The following SVIL variants were observed in gnomAD, a reference collection of about 807,000 sequenced individuals.
SVIL encodes the protein supervillin.
SVIL carries 101 observed loss-of-function variants against 240.4 expected under a neutral mutation model. The ratio of observed to expected loss-of-function variants is 0.42; its 90% confidence interval spans 0.36 to 0.50. SVIL has a LOEUF of 0.50. Among genes scored for constraint, SVIL ranks in the 20% least tolerant of loss-of-function variants. The probability of loss-of-function intolerance (pLI) is 0.01; values close to 1 mark genes in which losing one functional copy is unlikely to be tolerated. For missense variants in SVIL, 2,512 were observed against 2,818.7 expected, an observed-to-expected ratio of 0.89 and a Z score of 2.46; for synonymous variants, 999 against 1,100.0, an observed-to-expected ratio of 0.91 and a Z score of 1.82.
At chr10:29,636,630 A>T (rs543443140), upstream of SVIL, among the ~76,000 whole-genome samples, 2 of 152,056 alleles carry the variant, frequency 1.3e-5, no homozygotes, top group African/African-American at 4.8e-5. Flanking sequence ...TACTTTCCTA[A>T]TTTTTTTGCT....
intron 1 of SVIL, among the ~76,000 whole-genome samples, chr10:29,575,142 T>C (rs1398599864): frequency 6.6e-6 from 1 of 152,250 alleles, no homozygotes. Flanking sequence ...ATGAAATTAC[T>C]GTGAATGAAC....
chr10:29,680,938 A>G (rs1960593255), intron 2 of SVIL, among the ~76,000 whole-genome samples: 1 of 151,828 alleles, frequency 6.6e-6, no homozygotes, highest in Non-Finnish European at 1.5e-5. Flanking sequence ...AATAGCAAAG[A>G]AAGTGGGAGG....
Position 29,522,023 on chromosome 10 carries a change from A to G in SVIL, c.3389+387T>C, listed in dbSNP as rs141789687. On this transcript the variant is annotated intron_variant, in intron 16 of 37. Transcript: ENST00000355867. Reference sequence around the variant, plus strand: ...ACACAAAGTCACAAGTGGTTTGTGCATTCAGTATGAACCCTGTGTATCTAA... The same window carrying G: ...ACACAAAGTCACAAGTGGTTTGTGCGTTCAGTATGAACCCTGTGTATCTAA... 5.9e-5 allele frequency among the ~76,000 whole-genome samples: 9 copies of G among 152,360 alleles called. No homozygotes were observed. In the East Asian group the frequency reaches 1.7e-3, roughly 29 times the overall value.
intron 16 of SVIL, among the ~76,000 whole-genome samples, chr10:29,521,319 A>C (rs562801098): frequency 8.5e-5 from 13 of 152,104 alleles, no homozygotes; most frequent in Admixed American, 8.5e-4. Flanking sequence ...AAATGTATCT[A>C]GAAAAATAAG....
intron 1 of SVIL, among the ~76,000 whole-genome samples, chr10:29,599,386 A>ATT (rs34936543): frequency 8.6e-5 from 13 of 150,292 alleles, no homozygotes; most frequent in Admixed American, 1.3e-4. Flanking sequence ...TTTGCCCTCC[A>ATT]TTTTTTTTTG....
At chr10:29,665,229 A>C (rs1464994242) in intron 2 of SVIL, among the ~76,000 whole-genome samples, 1 of 86,922 alleles carries the variant, frequency 1.2e-5, no homozygotes, top group Non-Finnish European at 2.9e-5. Context: ...TCTTGTCTCA[A>C]AAAAAAAAAA....
At chr10:29,655,619 C>T (rs945503679) in intron 3 of SVIL, among the ~76,000 whole-genome samples, 5 of 152,190 alleles carry the variant, frequency 3.3e-5, no homozygotes, top group African/African-American at 1.2e-4. Flanking sequence ...AAATACTTTA[C>T]CAGGCATCTA....
chr10:29,549,109 C>T (rs1377447729), intron 6 of SVIL, among the ~76,000 whole-genome samples: 3 of 150,748 alleles, frequency 2.0e-5, no homozygotes, highest in Non-Finnish European at 4.4e-5. Flanking sequence ...ATTTTCACAA[C>T]CTACTCATCT....
At chr10:29,655,724 T>G (rs745778152) in intron 3 of SVIL, among the ~76,000 whole-genome samples, 1 of 152,204 alleles carries the variant, frequency 6.6e-6, no homozygotes, top group Non-Finnish European at 1.5e-5. Context: ...GTGGTGAGAA[T>G]GGATATCCTT....
chr10:29,468,899 CT>C (rs1198255969), intron 32 of SVIL: 2 of 152,110 alleles, frequency 1.3e-5, no homozygotes, highest in Non-Finnish European at 2.9e-5. Flanking sequence ...TTGACTATTT[CT>C]TGTCTTTCTC....
intron 6 of SVIL, among the ~76,000 whole-genome samples, chr10:29,546,569 T>A (rs979097506): frequency 3.2e-5 from 4 of 123,262 alleles, no homozygotes; most frequent in African/African-American, 1.2e-4. Flanking sequence ...ATTTTGCCTA[T>A]AATGCTAATG....
intron 1 of SVIL, among the ~76,000 whole-genome samples, chr10:29,631,619 A>G (rs1368934744): frequency 2.0e-5 from 3 of 152,020 alleles, no homozygotes; most frequent in South Asian, 2.1e-4. Context: ...TACTAAATAT[A>G]CAAGAATTAG....
chr10:29,485,060 G>A (rs1947265547), intron 26 of SVIL, among the ~76,000 whole-genome samples: 1 of 151,904 alleles, frequency 6.6e-6, no homozygotes, highest in Admixed American at 6.6e-5. Context: ...TAAGTGGCCA[G>A]GATAATGTTC....
At chr10:29,464,112 A>G (rs144126741) in intron 34 of SVIL, among the ~76,000 whole-genome samples, 1 of 152,326 alleles carries the variant, frequency 6.6e-6, no homozygotes, top group African/African-American at 2.4e-5. Context: ...AGGTGAGCTC[A>G]TGGCTCTCTT....
At position 29,570,264 on chromosome 10, in the gene SVIL, T is replaced by A. The variant is rs1437459713; in HGVS notation, c.-200-952A>T. Among the ~76,000 whole-genome samples the A allele has an allele frequency of 1.3e-5, 2 of 152,256 alleles. 1 individual carries two copies. The highest frequency in any genetic ancestry group is 1.3e-4 in the Admixed American group (2 of 15,288). ...TTTTCTCTTAACTATGCAAGTATCT[T>A]GTTATGTAATTAACCAAAGAGAAAT... On this transcript the variant is annotated intron_variant, in intron 1 of 37. Coordinates refer to ENST00000355867, the MANE Select transcript of SVIL (RefSeq NM_021738.3).
At chr10:29,516,223 G>C (rs561432738) in intron 16 of SVIL, among the ~76,000 whole-genome samples, 1 of 152,264 alleles carries the variant, frequency 6.6e-6, no homozygotes, top group African/African-American at 2.4e-5. Context: ...CTGAAATTTT[G>C]CTTCTACATG....
chr10:29,481,811 C>T, intron 27 of SVIL, 83 bp from the exon 28 acceptor site: 1 of 1,420,636 alleles, frequency 7.0e-7, no homozygotes, highest in Non-Finnish European at 9.6e-7. Flanking sequence ...ATCTAAAACA[C>T]ATGCGGCTGC....
chr10:29,648,120 T>G (rs1479035273), intron 3 of SVIL, among the ~76,000 whole-genome samples: 1 of 152,056 alleles, frequency 6.6e-6, no homozygotes, highest in East Asian at 1.9e-4. Context: ...CCCTTACCTG[T>G]CTTCTGTTCT....
rs144552023 is a variant in SVIL, at chr10:29,512,787, G to A, written c.3464C>T (p.Ala1155Val). 45 of 1,613,422 alleles carry A rather than the reference G, an allele frequency of 2.8e-5. No homozygotes were observed. In the African/African-American group the frequency reaches 2.9e-4, roughly 11 times the overall value. ...CTGGGTGTGCAGGCTGCTGGCCGGC[G>A]CCTTGCCGCCCTCCTGCCTCCTGCT... ...RLSRRQEGGK[A>V]PASSLHTQEA... The change falls in exon 17 of 38, where the codon GCG (alanine) becomes GTG (valine). Residue 1155 changes from alanine to valine, a missense_variant. Coordinates refer to ENST00000355867, the MANE Select transcript of SVIL (RefSeq NM_021738.3).
Sources: allele counts gnomAD v4.1 joint callset (sites outside exome capture counted in the v4.1 genomes callset), GRCh38; gene constraint gnomAD v4.1.1; transcripts MANE v1.5; gene names NCBI Gene and HGNC (gene_info 2026-07-23, HGNC 2026-07-21).